The following SPON1 variants were observed in gnomAD, a reference collection of about 807,000 sequenced individuals.
SPON1 encodes the protein spondin 1.
SPON1 carries 52 observed loss-of-function variants against 111.7 expected under a neutral mutation model. The ratio of observed to expected loss-of-function variants is 0.47; its 90% CI spans 0.37 to 0.59. SPON1 has a LOEUF of 0.59. Among genes scored for constraint, SPON1 ranks in the 20% least tolerant of loss-of-function variants. The pLI, the probability that SPON1 is intolerant of heterozygous loss-of-function variation, is 0.00. For missense variants in SPON1, 957 were observed against 1,068.5 expected (o/e 0.90, Z 1.46); for synonymous variants, 410 against 395.8 (o/e 1.04, Z -0.43).
intron 5 of SPON1, among the ~76,000 whole-genome samples, chr11:14,097,837 T>G (rs1326732861): frequency 7.1e-6 from 1 of 140,616 alleles, no homozygotes; most frequent in Non-Finnish European, 1.6e-5. Context: ...ACACAACATG[T>G]TTTTGTCTTT....
At chr11:14,179,422 G>A (rs1252844412) in intron 6 of SPON1, among the ~76,000 whole-genome samples, 1 of 152,138 alleles carries the variant, frequency 6.6e-6, no homozygotes, top group African/African-American at 2.4e-5. Flanking sequence ...ACCCTTGGAT[G>A]CTGGCACATG....
At chr11:13,996,711 G>GTATATATATA (rs145375464) in intron 2 of SPON1, among the ~76,000 whole-genome samples, 16 of 145,142 alleles carry the variant, frequency 1.1e-4, no homozygotes, top group African/African-American at 4.4e-4. Flanking sequence ...ACCTATGTGT[G>GTATATATATA]TATATATATA....
At chr11:14,214,792 C>T (rs1848610475) in intron 6 of SPON1, among the ~76,000 whole-genome samples, 1 of 152,182 alleles carries the variant, frequency 6.6e-6, no homozygotes, top group South Asian at 2.1e-4. Context: ...AGTAAGAGTA[C>T]AGTCTCAAGC....
At chr11:14,050,329 C>T (rs1848698918) in intron 3 of SPON1, among the ~76,000 whole-genome samples, 1 of 152,202 alleles carries the variant, frequency 6.6e-6, no homozygotes, top group Non-Finnish European at 1.5e-5. Flanking sequence ...CAGCAAATCA[C>T]AGCCCATGGG....
chr11:14,006,436 G>A (rs60676293), intron 2 of SPON1, among the ~76,000 whole-genome samples: 4,373 of 152,198 alleles, frequency 0.029, 215 homozygotes, highest in African/African-American at 0.099. Flanking sequence ...AGGAAGGCTG[G>A]GTAGGAGATT....
At chr11:14,230,315 G>A (rs1372155511) in intron 6 of SPON1, among the ~76,000 whole-genome samples, 1 of 152,144 alleles carries the variant, frequency 6.6e-6, no homozygotes, top group African/African-American at 2.4e-5. Flanking sequence ...AGATGATGAA[G>A]TGAAATGTTA....
chr11:14,092,940 T>A (rs1849070843), intron 5 of SPON1, among the ~76,000 whole-genome samples: 1 of 152,182 alleles, frequency 6.6e-6, no homozygotes, highest in Non-Finnish European at 1.5e-5. Flanking sequence ...TAGGAGGCCA[T>A]CAATCTTCTG....
At chr11:14,063,706 G>A (rs1554920109) in intron 3 of SPON1, among the ~76,000 whole-genome samples, 1 of 152,234 alleles carries the variant, frequency 6.6e-6, no homozygotes, top group African/African-American at 2.4e-5. Flanking sequence ...TGAATGCGTT[G>A]TGCAGTCAGC....
intron 2 of SPON1, among the ~76,000 whole-genome samples, chr11:14,010,254 G>A (rs1554913563): frequency 1.3e-5 from 2 of 152,108 alleles, no homozygotes. Context: ...ACAGAGGGCA[G>A]GCTGGATATC....
intron 15 of SPON1, among the ~76,000 whole-genome samples, chr11:14,264,658 A>T (rs905713832): frequency 6.6e-6 from 1 of 152,202 alleles, no homozygotes; most frequent in Admixed American, 6.5e-5. Flanking sequence ...TGGCAGGTAC[A>T]TAGTTGTACG....
At chr11:14,015,642 A>G (rs546073824) in intron 2 of SPON1, among the ~76,000 whole-genome samples, 7 of 152,270 alleles carry the variant, frequency 4.6e-5, no homozygotes, top group Non-Finnish European at 8.8e-5. Flanking sequence ...TATGTCAAAG[A>G]TGTGGTTGAT....
chr11:13,990,315 C>G (rs560484746), intron 2 of SPON1, among the ~76,000 whole-genome samples: 28 of 123,026 alleles, frequency 2.3e-4, no homozygotes, highest in Admixed American at 4.6e-4. Context: ...TTCTTTGTCT[C>G]TTTTGATCTT....
Position 14,260,914 on chromosome 11 carries a change from G to A in SPON1, c.1996+162G>A, listed in dbSNP as rs1849164281. Among the ~76,000 whole-genome samples the A allele has an allele frequency of 2.6e-5, 4 of 152,160 alleles. No homozygotes were observed. The South Asian group carries it at 8.3e-4, about 32-fold the overall frequency. ...TGTTTGCAGTTACTTAAACACTGCA[G>A]TCAGTTTCATTAATAAAGTGAGAAT... On this transcript the variant is annotated intron_variant, in intron 14 of 15. Transcript: ENST00000576479.
intron 3 of SPON1, among the ~76,000 whole-genome samples, chr11:14,068,917 A>C (rs1307522913): frequency 6.6e-6 from 1 of 152,136 alleles, no homozygotes; most frequent in Non-Finnish European, 1.5e-5. Context: ...ACCATTTGGT[A>C]CCCAGACTCA....
At chr11:14,001,915 A>G (rs1848321822) in intron 2 of SPON1, among the ~76,000 whole-genome samples, 1 of 152,244 alleles carries the variant, frequency 6.6e-6, no homozygotes, top group South Asian at 2.1e-4. Flanking sequence ...TAGTTGGTTC[A>G]TACTAAGTGA....
chr11:14,227,659 A>T (rs782805421), intron 6 of SPON1, among the ~76,000 whole-genome samples: 24 of 152,168 alleles, frequency 1.6e-4, no homozygotes, highest in Admixed American at 1.2e-3. Flanking sequence ...GAAACTTTGA[A>T]ATCATTCTAC....
At chr11:14,088,224 G>A (rs1470985257) in intron 5 of SPON1, among the ~76,000 whole-genome samples, 2 of 152,136 alleles carry the variant, frequency 1.3e-5, no homozygotes, top group African/African-American at 4.8e-5. Flanking sequence ...TCTTCATAGT[G>A]TCATTGATCT....
chr11:13,969,222 A>G (rs868931151), intron 1 of SPON1, among the ~76,000 whole-genome samples: 1 of 134,916 alleles, frequency 7.4e-6, no homozygotes, highest in Non-Finnish European at 1.5e-5. Context: ...CTACAAAAAA[A>G]AAAAAAAAAA....
In SPON1 at chr11:14,248,564, AT is replaced by A. The variant is rs1167415373; in HGVS notation, c.890+5172del. On this transcript the variant is annotated intron_variant, in intron 7 of 15. Transcript: ENST00000576479. The stretch of plus-strand genomic sequence containing the variant: ...GCTACTGGCTTGTTAAGGGAAAAGA[AT>A]TTTCCTTTGATTTTCCCATACCCCA... Among the ~76,000 whole-genome samples the A allele has an allele frequency of 1.2e-4, 19 of 152,172 alleles. No homozygotes were observed. In the East Asian group the frequency reaches 3.7e-3, roughly 29 times the overall value.
Sources: gnomAD v4.1 joint callset for allele counts (sites outside exome capture counted in the v4.1 genomes callset) on GRCh38, gnomAD v4.1.1 for gene constraint, MANE v1.5 for transcripts, NCBI Gene and HGNC (gene_info 2026-07-23, HGNC 2026-07-21) for gene names.